Variants in FCAMR observed in about 807,000 individuals in gnomAD.
FCAMR encodes the protein Fc alpha and mu receptor, also known as high affinity immunoglobulin alpha and immunoglobulin mu Fc receptor.
A neutral mutation model predicts 52.2 loss-of-function variants in FCAMR; 51 were observed. That is an observed-to-expected ratio of 0.98 (90% CI 0.78 to 1.23). The LOEUF (loss-of-function observed/expected upper bound fraction) is 1.23. FCAMR is among the 50% of genes most tolerant of loss of function. The pLI is 0.00. For synonymous variants in FCAMR, 282 were observed against 262.0 expected (o/e 1.08, Z -0.74); for missense variants, 719 against 712.6 (o/e 1.01, Z -0.10).
At chr1:206,960,114 G>A (rs1680442026) in intron 6 of FCAMR, 2 of 493,360 alleles carry the variant, frequency 4.1e-6, no homozygotes, top group Non-Finnish European at 7.1e-6. Context: ...TTTCCTTGTG[G>A]CTTCAGTGCA....
intron 3 of FCAMR, 29 bp downstream of exon 3, chr1:206,967,023 C>A (rs1312284614): frequency 9.9e-6 from 16 of 1,612,838 alleles, no homozygotes; most frequent in Non-Finnish European, 1.2e-5. Context: ...TTTTGTAAGC[C>A]CTGAACCTGG....
At chr1:206,968,380 C>G (rs1680799044) in intron 1 of FCAMR, among the ~76,000 whole-genome samples, 1 of 152,212 alleles carries the variant, frequency 6.6e-6, no homozygotes, top group African/African-American at 2.4e-5. Context: ...TTACACTTCT[C>G]TTGTATTCCC....
chr1:206,967,075 A>C lies in FCAMR; in HGVS notation c.146T>G (p.Phe49Cys). Reference sequence around the variant, plus strand: ...ACCTTGTAGCAGGCACAGTATGAGGAAGAGGGGCATTTTCCATCCCGCCCT... The same window carrying C: ...ACCTTGTAGCAGGCACAGTATGAGGCAGAGGGGCATTTTCCATCCCGCCCT... ...SRRAGWKMPL[F>C]LILCLLQGSS... Residue 49 changes from phenylalanine to cysteine, a missense_variant, in exon 3 of 8, where the codon TTC (phenylalanine) becomes TGC (cysteine). By Grantham distance (205) the Phe-to-Cys change is radical. Coordinates refer to ENST00000324852, the MANE Select transcript of FCAMR (RefSeq NM_001170631.2). The C allele has an allele frequency of 6.2e-7, 1 of 1,613,980 alleles. No individual in the cohort carries two copies. The highest frequency in any genetic ancestry group is 8.5e-7 in the Non-Finnish European group (1 of 1,180,016).
At chr1:206,966,951 G>A in intron 3 of FCAMR, 101 bp downstream of exon 3, 2 of 1,106,004 alleles carry the variant, frequency 1.8e-6, no homozygotes, top group Non-Finnish European at 2.7e-6. Context: ...GTTTATACCT[G>A]GACAGTTTTA....
Position 206,965,739 on chromosome 1 carries a change from A to G in FCAMR, c.289T>C (p.Trp97Arg). 1 of 1,577,146 alleles carries G rather than the reference A, an allele frequency of 6.3e-7. No homozygotes were observed. Among genetic ancestry groups the G allele is most frequent in the Non-Finnish European group, 8.6e-7 (1 of 1,166,450 alleles). ...CCTGCAAAGGAGCTCTCCTCCCGCC[A>G]GCAGAGGGGCGAGGAAGGCCTGAGT... is the stretch of plus-strand genomic sequence containing the variant. ...GTLRPSSPLC[W>R]REESSFAAPN... The change falls in exon 4 of 8, where the codon TGG becomes CGG. Residue 97 changes from tryptophan (W) to arginine (R), a missense_variant. Coordinates refer to ENST00000324852, the MANE Select transcript of FCAMR (RefSeq NM_001170631.2).
chr1:206,967,752 C>A, intron 1 of FCAMR, 101 bp from the exon 2 acceptor site: 2 of 1,077,220 alleles, frequency 1.9e-6, no homozygotes, highest in Non-Finnish European at 2.8e-6. Flanking sequence ...AATCTCAGAC[C>A]AAGTAGCTCT....
Position 206,958,383 on chromosome 1 carries a change from T to C in FCAMR, c.*133A>G, listed in dbSNP as rs1021765973. ...CCAAGGACAGCCAGCCTTTCTTCCA[T>C]GGGTGGAGCACCGGCTGCATCAGCT... On this transcript the variant is annotated 3_prime_UTR_variant, in exon 8 of 8. Coordinates refer to ENST00000324852, the MANE Select transcript of FCAMR (RefSeq NM_001170631.2). 15 of 1,033,216 alleles carry C rather than the reference T, an allele frequency of 1.5e-5. No homozygotes were observed. In the East Asian group the frequency reaches 2.4e-4, roughly 16 times the overall value. The allele number at this position is 1,033,216 out of a possible 1,614,324, so 64.0% of individuals were successfully genotyped here.
chr1:206,962,354 C>A lies in FCAMR; in HGVS notation c.511G>T (p.Ala171Ser). The A allele has an allele frequency of 6.2e-7, 1 of 1,614,172 alleles. No homozygotes were observed. The highest frequency in any genetic ancestry group is 8.5e-7 in the Non-Finnish European group (1 of 1,180,032). The part of the protein sequence containing the change: ...YTHHRYRDRV[A>S]LTDFPQRGLF... ...CCTCTCTGTGGAAAGTCTGTGAGGG[C>A]CACACGGTCACGATAGCGATGGTGA... Residue 171 changes from alanine (A) to serine (S), a missense_variant, in exon 5 of 8, where the codon GCC (alanine) becomes TCC (serine). Transcript: ENST00000324852.
At chr1:206,967,549 G>A in intron 2 of FCAMR, 34 bp downstream of exon 2, 1 of 1,606,266 alleles carries the variant, frequency 6.2e-7, no homozygotes, top group Non-Finnish European at 8.5e-7. Flanking sequence ...GGAGAATGAA[G>A]GAATCTGCAA....
chr1:206,970,083 T>C lies in FCAMR; in HGVS notation c.39+4A>G. On this transcript the variant is annotated splice_donor_region_variant and intron_variant, in intron 1 of 7. Coordinates refer to ENST00000324852, the MANE Select transcript of FCAMR (RefSeq NM_001170631.2). Reference sequence around the variant, plus strand: ...CCAACCTCCAGGAGAAAGCATCATTTCACCTTTTGTTCTCCAGGCTTCACT... The same window carrying C: ...CCAACCTCCAGGAGAAAGCATCATTCCACCTTTTGTTCTCCAGGCTTCACT... The C allele has an allele frequency of 6.2e-7, 1 of 1,614,092 alleles. No homozygotes were observed. The highest frequency in any genetic ancestry group is 2.2e-5 in the East Asian group (1 of 44,872).
At chr1:206,966,101 C>G (rs1362143707) in intron 3 of FCAMR, among the ~76,000 whole-genome samples, 1 of 152,182 alleles carries the variant, frequency 6.6e-6, no homozygotes, top group East Asian at 1.9e-4. Flanking sequence ...GGGAAGGCAG[C>G]AACCACACCC....
At chr1:206,964,211 A>G (rs926523361) in intron 4 of FCAMR, among the ~76,000 whole-genome samples, 2 of 151,964 alleles carry the variant, frequency 1.3e-5, no homozygotes, top group Non-Finnish European at 2.9e-5. Context: ...TCCCTCCTTC[A>G]TTTGGCCTGG....
At position 206,967,671 on chromosome 1, in the gene FCAMR, T is replaced by C; in HGVS notation, c.40-20A>G. On this transcript the variant is annotated intron_variant, in intron 1 of 7. Transcript: ENST00000324852. The stretch of plus-strand genomic sequence containing the variant: ...CACTTCCTGTTTGCAGAAGGGGAAT[T>C]GGTTTTTTCAAGGGAAGATTTCTGT... The C allele has an allele frequency of 6.2e-7, 1 of 1,613,602 alleles. No individual in the cohort carries two copies. Among genetic ancestry groups the C allele is most frequent in the Non-Finnish European group, 8.5e-7 (1 of 1,179,574 alleles).
intron 4 of FCAMR, among the ~76,000 whole-genome samples, chr1:206,963,096 C>G (rs1680574375): frequency 6.6e-6 from 1 of 152,350 alleles, no homozygotes. Context: ...AAGACAGATG[C>G]TAAGCAGTAA....
chr1:206,968,214 C>T (rs1455900414), intron 1 of FCAMR, among the ~76,000 whole-genome samples: 1 of 152,196 alleles, frequency 6.6e-6, no homozygotes, highest in Non-Finnish European at 1.5e-5. Flanking sequence ...TGGCACATGC[C>T]TGTAATCCCA....
In FCAMR at chr1:206,960,521, A is replaced by G; in HGVS notation, c.1355T>C (p.Leu452Pro). 1 of 1,551,620 alleles carries G rather than the reference A, an allele frequency of 6.4e-7. No individual in the cohort carries two copies. The highest frequency in any genetic ancestry group is 8.7e-7 in the Non-Finnish European group (1 of 1,146,960). ...ACCTCTGTCTCCAGTGGCAGCATCT[A>G]GGTCCCCTGCAGCGCTTCCTTCCCC... ...ASGEGSAAGD[L>P]DAATGDRGPQ... The change falls in exon 6 of 8, where the codon CTA becomes CCA. Residue 452 changes from leucine to proline, a missense_variant. Coordinates refer to ENST00000324852, the MANE Select transcript of FCAMR (RefSeq NM_001170631.2).
intron 5 of FCAMR, among the ~76,000 whole-genome samples, 155 bp from the exon 6 acceptor site, chr1:206,961,378 G>A (rs1680502521): frequency 6.6e-6 from 1 of 152,176 alleles, no homozygotes; most frequent in Non-Finnish European, 1.5e-5. Flanking sequence ...ATAAAAAATA[G>A]GAAAATGTTT....
chr1:206,967,186 C>T, intron 2 of FCAMR, 74 bp from the exon 3 acceptor site: 1 of 1,483,800 alleles, frequency 6.7e-7, no homozygotes, highest in Non-Finnish European at 9.3e-7. Context: ...AGAGAACAAG[C>T]ATCTTCTCAC....
chr1:206,962,319 C>A lies in FCAMR; in HGVS notation c.546G>T (p.Val182=), dbSNP rs752628649. 2.5e-6 allele frequency: 4 copies of A among 1,614,182 alleles called. No homozygotes were observed. The highest frequency in any genetic ancestry group is 3.4e-6 in the Non-Finnish European group (4 of 1,180,038). The change falls in exon 5 of 8, where the codon GTG becomes GTT. Residue 182 remains valine (V), a synonymous_variant. Transcript: ENST00000324852. ...CCGGGGACAGTTGGGACAGCCTCACCACAAACAAGCCTCTCTGTGGAAAGT... is the reference window on the plus strand; with the variant it reads ...CCGGGGACAGTTGGGACAGCCTCACAACAAACAAGCCTCTCTGTGGAAAGT... ...LTDFPQRGLF[V]VRLSQLSPDD... is the part of the protein sequence containing the mutation.
Sources: allele counts gnomAD v4.1 joint callset (sites outside exome capture counted in the v4.1 genomes callset), GRCh38; gene constraint gnomAD v4.1.1; transcripts MANE v1.5; gene names NCBI Gene and HGNC (gene_info 2026-07-23, HGNC 2026-07-21).